The following CLDN10 variants were observed in gnomAD, a reference collection of about 807,000 sequenced individuals.
The protein encoded by CLDN10 is claudin-10.
Under a neutral mutation model 22.9 loss-of-function variants are expected in CLDN10, and 15 were observed. That is an observed-to-expected ratio of 0.65 (90% CI 0.44 to 1.01). The LOEUF (loss-of-function observed/expected upper bound fraction) is 1.01, where lower values mean the gene tolerates loss of function less well. CLDN10 is among the 50% of genes least tolerant of loss of function. CLDN10 has a pLI of 0.00. For synonymous variants in CLDN10, 114 were observed against 111.4 expected (o/e 1.02, Z -0.15); for missense variants, 247 against 287.8 (o/e 0.86, Z 1.03).
chr13:95,509,602 T>C (rs1566308368), intron 1 of CLDN10, among the ~76,000 whole-genome samples: 1 of 152,220 alleles, frequency 6.6e-6, no homozygotes, highest in Non-Finnish European at 1.5e-5. Flanking sequence ...ATAAAAATGT[T>C]AGGTGTCAGA....
At chr13:95,562,166 A>G (rs1158728184) in intron 3 of CLDN10, among the ~76,000 whole-genome samples, 5 of 151,828 alleles carry the variant, frequency 3.3e-5, no homozygotes. Flanking sequence ...TCCTGACCTC[A>G]GGTGATCCAC....
chr13:95,480,330 ACTTC>A (rs112799440), intron 1 of CLDN10, among the ~76,000 whole-genome samples: 9,129 of 152,246 alleles, frequency 0.06, 343 homozygotes, highest in South Asian at 0.11. Flanking sequence ...TGACTCAGAC[ACTTC>A]CTTCGGTAGA....
At chr13:95,470,037 A>T (rs3934559) in intron 1 of CLDN10, among the ~76,000 whole-genome samples, 1,530 of 152,328 alleles carry the variant, frequency 0.01, 37 homozygotes, top group African/African-American at 0.035. Context: ...CATGTATCTC[A>T]TTCAATAAAC....
intron 1 of CLDN10, among the ~76,000 whole-genome samples, chr13:95,521,085 G>C (rs1594584276): frequency 7.0e-6 from 1 of 142,316 alleles, no homozygotes; most frequent in Admixed American, 7.0e-5. Context: ...TTTTTCTGTA[G>C]ATTCTCTTGG....
At chr13:95,577,177 C>T (rs2043944816) in intron 3 of CLDN10, 54 bp from the exon 4 acceptor site, 2 of 1,195,938 alleles carry the variant, frequency 1.7e-6, no homozygotes, top group Non-Finnish European at 1.2e-6. Context: ...GTGTTAAATA[C>T]TGTTTACTCT....
intron 1 of CLDN10, among the ~76,000 whole-genome samples, chr13:95,489,071 C>A (rs992604384): frequency 1.7e-5 from 2 of 117,378 alleles, no homozygotes; most frequent in Non-Finnish European, 3.5e-5. Flanking sequence ...CCTGCCTCAG[C>A]CTCCCGAGAA....
chr13:95,507,822 C>T (rs535500486), intron 1 of CLDN10, among the ~76,000 whole-genome samples: 11 of 152,190 alleles, frequency 7.2e-5, no homozygotes, highest in Middle Eastern at 3.4e-3. Context: ...GAGGTTTCTC[C>T]ATGTTGGTTA....
chr13:95,449,009 G>C (rs2042407957), intron 1 of CLDN10, among the ~76,000 whole-genome samples: 1 of 151,992 alleles, frequency 6.6e-6, no homozygotes, highest in South Asian at 2.1e-4. Context: ...AAAGTGCTGA[G>C]ATTATAGGCA....
chr13:95,439,315 G>A (rs2042302253), intron 1 of CLDN10, among the ~76,000 whole-genome samples: 1 of 151,886 alleles, frequency 6.6e-6, no homozygotes, highest in Non-Finnish European at 1.5e-5. Flanking sequence ...GAAGGGGCAA[G>A]GCAGCTCTCT....
chr13:95,479,508 C>T (rs551273461), intron 1 of CLDN10: 9 of 152,118 alleles, frequency 5.9e-5, no homozygotes, highest in South Asian at 2.1e-4. Flanking sequence ...AAAAATACTT[C>T]GCTATATAAA....
chr13:95,445,326 C>T (rs2042363279), intron 1 of CLDN10, among the ~76,000 whole-genome samples: 1 of 152,190 alleles, frequency 6.6e-6, no homozygotes, highest in African/African-American at 2.4e-5. Context: ...CCCAAAGGGA[C>T]CTTTAAGCCC....
At chr13:95,517,460 T>C (rs1399793950) in intron 1 of CLDN10, among the ~76,000 whole-genome samples, 5 of 152,184 alleles carry the variant, frequency 3.3e-5, no homozygotes, top group Non-Finnish European at 7.3e-5. Context: ...AAAAGCTTAG[T>C]TCCAAAGGGA....
intron 1 of CLDN10, among the ~76,000 whole-genome samples, chr13:95,442,236 G>A (rs2042331266): frequency 6.6e-6 from 1 of 152,180 alleles, no homozygotes; most frequent in South Asian, 2.1e-4. Flanking sequence ...TGGCGATTAT[G>A]TCCATGAATA....
intron 1 of CLDN10, among the ~76,000 whole-genome samples, chr13:95,453,873 G>A (rs1291476547): frequency 6.6e-6 from 1 of 152,092 alleles, no homozygotes; most frequent in Non-Finnish European, 1.5e-5. Flanking sequence ...CCAGCACTCT[G>A]GGAGGCCAAG....
intron 1 of CLDN10, among the ~76,000 whole-genome samples, chr13:95,449,377 G>A (rs1192454239): frequency 4.6e-5 from 7 of 151,476 alleles, no homozygotes; most frequent in East Asian, 2.0e-4. Context: ...TCAGCCTCCC[G>A]AGTAGCTGGA....
chr13:95,561,892 A>T (rs944494297), intron 3 of CLDN10, among the ~76,000 whole-genome samples: 1 of 149,860 alleles, frequency 6.7e-6, no homozygotes, highest in Non-Finnish European at 1.5e-5. Context: ...CAGCCCCCCG[A>T]GTAGCTGGGA....
At chr13:95,441,864 A>G (rs2042327533) in intron 1 of CLDN10, among the ~76,000 whole-genome samples, 1 of 152,210 alleles carries the variant, frequency 6.6e-6, no homozygotes, top group African/African-American at 2.4e-5. Context: ...TAAAGAAGAC[A>G]CATATGGCCA....
intron 1 of CLDN10, among the ~76,000 whole-genome samples, chr13:95,493,575 T>TC (rs1447556838): frequency 4.3e-4 from 55 of 127,110 alleles, no homozygotes; most frequent in African/African-American, 1.5e-3. Context: ...TTTTTTTTTT[T>TC]TGAGACACAG....
intron 1 of CLDN10, among the ~76,000 whole-genome samples, chr13:95,492,291 C>T (rs1427167871): frequency 7.6e-6 from 1 of 130,774 alleles, no homozygotes; most frequent in African/African-American, 2.8e-5. Context: ...AAGGTGGGGG[C>T]GGGGCTGGGT....
Sources: gnomAD v4.1 joint callset for allele counts (sites outside exome capture counted in the v4.1 genomes callset) on GRCh38, gnomAD v4.1.1 for gene constraint, MANE v1.5 for transcripts, NCBI Gene and HGNC (gene_info 2026-07-23, HGNC 2026-07-21) for gene names.